KCTD16: variants seen among roughly 807,000 people sequenced by gnomAD.
The protein encoded by KCTD16 is potassium channel tetramerization domain containing 16.
KCTD16 carries 13 observed loss-of-function variants against 33.2 expected under a neutral mutation model. The observed-to-expected ratio is 0.39, with a 90% CI of 0.25 to 0.62. KCTD16 has a LOEUF of 0.62. KCTD16 is among the 20% of genes least tolerant of loss of function. The pLI is 0.50. For missense variants in KCTD16, 441 were observed against 525.1 expected (o/e 0.84, Z 1.57); for synonymous variants, 197 against 195.3 (o/e 1.01, Z -0.07).
At chr5:144,290,741 C>G (rs1377307894) in intron 3 of KCTD16, among the ~76,000 whole-genome samples, 1 of 152,128 alleles carries the variant, frequency 6.6e-6, no homozygotes, top group East Asian at 1.9e-4. Flanking sequence ...TAATGCCTGT[C>G]AAGAAGGGTA....
chr5:144,206,951 A>T lies in KCTD16; in HGVS notation c.237A>T (p.Gly79=). The T allele has an allele frequency of 6.2e-7, 1 of 1,614,178 alleles. No homozygotes were observed. Among genetic ancestry groups the T allele is most frequent in the Non-Finnish European group, 8.5e-7 (1 of 1,180,020 alleles). Residue 79 remains glycine, a synonymous_variant, in exon 3 of 4, where the codon GGA becomes GGT. Coordinates refer to ENST00000512467, the MANE Select transcript of KCTD16 (RefSeq NM_020768.4). ...GAAGGTTTTTCATTGACAGAGATGG[A>T]TTCTTGTTCCGTTATATTCTGGACT... is the stretch of plus-strand genomic sequence containing the variant. ...SKGRFFIDRD[G]FLFRYILDYL...
chr5:144,405,695 T>C (rs1000273881), intron 3 of KCTD16, among the ~76,000 whole-genome samples: 3 of 152,186 alleles, frequency 2.0e-5, no homozygotes, highest in Non-Finnish European at 4.4e-5. Context: ...AGCCTTAGAA[T>C]GCGGGAAGCT....
At chr5:144,387,764 A>G (rs1331607807) in intron 3 of KCTD16, among the ~76,000 whole-genome samples, 1 of 152,180 alleles carries the variant, frequency 6.6e-6, no homozygotes, top group Non-Finnish European at 1.5e-5. Flanking sequence ...AAATGGCCCA[A>G]TAGGAGCTTT....
chr5:144,196,931 T>G (rs1357418595), intron 2 of KCTD16, among the ~76,000 whole-genome samples: 3 of 152,208 alleles, frequency 2.0e-5, no homozygotes. Context: ...GCAGCAGCTG[T>G]GCAAATCTGC....
chr5:144,380,453 C>G (rs1235677104), intron 3 of KCTD16, among the ~76,000 whole-genome samples: 2 of 152,136 alleles, frequency 1.3e-5, no homozygotes, highest in Non-Finnish European at 2.9e-5. Context: ...TTATATCAAA[C>G]TATGAATGCC....
At chr5:144,278,598 C>T (rs1229714712) in intron 3 of KCTD16, among the ~76,000 whole-genome samples, 6 of 149,516 alleles carry the variant, frequency 4.0e-5, no homozygotes, top group South Asian at 2.1e-4. Context: ...CCCGGATTCA[C>T]GCCATTCTCC....
At chr5:144,348,676 G>A (rs17101809) in intron 3 of KCTD16, among the ~76,000 whole-genome samples, 4,398 of 152,274 alleles carry the variant, frequency 0.029, 95 homozygotes, top group Middle Eastern at 0.061. Flanking sequence ...GAATAATTAA[G>A]AACATGCTTT....
chr5:144,247,907 G>A (rs1288130703), intron 3 of KCTD16, among the ~76,000 whole-genome samples: 1 of 152,164 alleles, frequency 6.6e-6, no homozygotes, highest in Non-Finnish European at 1.5e-5. Context: ...TTCCCTGCAA[G>A]CAACACCTGA....
intron 3 of KCTD16, among the ~76,000 whole-genome samples, chr5:144,248,099 A>G (rs1375747039): frequency 6.6e-6 from 1 of 152,218 alleles, no homozygotes; most frequent in African/African-American, 2.4e-5. Context: ...CATTTTGGGG[A>G]ATTAAACAAT....
intron 3 of KCTD16, among the ~76,000 whole-genome samples, chr5:144,340,320 T>A (rs1752598104): frequency 6.8e-6 from 1 of 146,846 alleles, no homozygotes; most frequent in Non-Finnish European, 1.5e-5. Flanking sequence ...GAGAATGGCG[T>A]GAACCCGGGA....
chr5:144,450,562 G>C (rs1031381114), intron 3 of KCTD16, among the ~76,000 whole-genome samples: 1 of 151,974 alleles, frequency 6.6e-6, no homozygotes, highest in African/African-American at 2.4e-5. Flanking sequence ...CCCATCAACA[G>C]ATTAATGGAT....
At chr5:144,329,453 A>G (rs779378523) in intron 3 of KCTD16, among the ~76,000 whole-genome samples, 1 of 152,188 alleles carries the variant, frequency 6.6e-6, no homozygotes, top group Non-Finnish European at 1.5e-5. Flanking sequence ...CACCATAAAA[A>G]GTAAACCCAC....
At chr5:144,220,927 C>T (rs894018900) in intron 3 of KCTD16, among the ~76,000 whole-genome samples, 9 of 144,914 alleles carry the variant, frequency 6.2e-5, no homozygotes, top group African/African-American at 1.1e-4. Flanking sequence ...GGCGACAGAG[C>T]GAGACTACGT....
intron 3 of KCTD16, chr5:144,385,296 T>A (rs948014747): frequency 3.9e-5 from 6 of 152,212 alleles, no homozygotes; most frequent in African/African-American, 1.4e-4. Context: ...TGTTGCATAA[T>A]GTCCACAAAT....
At chr5:144,243,881 C>G (rs1360456298) in intron 3 of KCTD16, among the ~76,000 whole-genome samples, 2 of 151,976 alleles carry the variant, frequency 1.3e-5, no homozygotes, top group Non-Finnish European at 2.9e-5. Flanking sequence ...GTAGCTGGGA[C>G]TACAGGTGCA....
At chr5:144,183,401 A>G (rs1752665502) in intron 2 of KCTD16, among the ~76,000 whole-genome samples, 1 of 152,182 alleles carries the variant, frequency 6.6e-6, no homozygotes, top group Non-Finnish European at 1.5e-5. Context: ...TTATTTTTTT[A>G]ATGATGCATA....
At chr5:144,200,156 A>AT (rs1753016144) in intron 2 of KCTD16, among the ~76,000 whole-genome samples, 3 of 117,684 alleles carry the variant, frequency 2.5e-5, no homozygotes, top group African/African-American at 8.0e-5. Context: ...AGAGTAGCAT[A>AT]ATTTTTTTTT....
At chr5:144,226,105 T>G (rs990461316) in intron 3 of KCTD16, among the ~76,000 whole-genome samples, 1 of 152,226 alleles carries the variant, frequency 6.6e-6, no homozygotes, top group Non-Finnish European at 1.5e-5. Flanking sequence ...TTTACCTTTC[T>G]CTGCAATGAA....
intron 3 of KCTD16, among the ~76,000 whole-genome samples, chr5:144,429,371 T>C (rs1320016503): frequency 1.3e-5 from 2 of 152,154 alleles, no homozygotes; most frequent in Admixed American, 1.3e-4. Context: ...TGCATTAATT[T>C]TCTCTAGCTA....
Sources: gnomAD v4.1 joint callset for allele counts (sites outside exome capture counted in the v4.1 genomes callset) on GRCh38, gnomAD v4.1.1 for gene constraint, MANE v1.5 for transcripts, NCBI Gene and HGNC (gene_info 2026-07-23, HGNC 2026-07-21) for gene names.